Variants in SYN3 observed in about 807,000 individuals in gnomAD.
The protein encoded by SYN3 is synapsin-3.
SYN3 carries 35 observed loss-of-function variants against 65.8 expected under a neutral mutation model. The observed-to-expected ratio is 0.53, with a 90% confidence interval of 0.41 to 0.70. The LOEUF is 0.70. SYN3 is among the 30% of genes least tolerant of loss of function. The probability of loss-of-function intolerance (pLI) is 0.00; values close to 1 mark genes in which losing one functional copy is unlikely to be tolerated. For synonymous variants in SYN3, 270 were observed against 292.9 expected (o/e 0.92, Z 0.80); for missense variants, 680 against 749.0 (o/e 0.91, Z 1.08).
intron 6 of SYN3, among the ~76,000 whole-genome samples, chr22:32,835,710 C>A (rs1352094549): frequency 6.6e-6 from 1 of 152,174 alleles, no homozygotes; most frequent in African/African-American, 2.4e-5. Context: ...GGGCTGAGCT[C>A]CCTGTCTTCA....
intron 12 of SYN3, among the ~76,000 whole-genome samples, chr22:32,520,802 C>G (rs144561029): frequency 6.6e-6 from 1 of 152,286 alleles, no homozygotes; most frequent in Non-Finnish European, 1.5e-5. Context: ...TGACTCCACA[C>G]TGGCACCAGG....
At chr22:32,817,905 C>G (rs2047130019) in intron 6 of SYN3, among the ~76,000 whole-genome samples, 1 of 152,168 alleles carries the variant, frequency 6.6e-6, no homozygotes, top group Non-Finnish European at 1.5e-5. Context: ...CCAGATCTCT[C>G]CCCTCTCTGT....
chr22:32,695,745 T>C (rs2060727470), intron 6 of SYN3, among the ~76,000 whole-genome samples: 1 of 152,248 alleles, frequency 6.6e-6, no homozygotes, highest in Non-Finnish European at 1.5e-5. Context: ...AGTGCCTTCC[T>C]ATCCACAGCC....
chr22:32,870,718 C>T (rs1435649359), intron 4 of SYN3, among the ~76,000 whole-genome samples: 1 of 152,100 alleles, frequency 6.6e-6, no homozygotes, highest in Non-Finnish European at 1.5e-5. Context: ...CAACAGAATT[C>T]CCCCCAAAAG....
chr22:32,512,659 A>T lies in SYN3; in HGVS notation c.*1033T>A. 6.6e-6 allele frequency: 1 copy of T among 152,240 alleles called. No homozygotes were observed. The highest frequency in any genetic ancestry group is 1.9e-4 in the East Asian group (1 of 5,202). 9.4% of individuals were successfully genotyped at this position (152,240 alleles called of 1,614,324 possible). A position where few individuals can be genotyped will look rare whatever the true frequency, so the allele number is the denominator to read the frequency against. On this transcript the variant is annotated 3_prime_UTR_variant, in exon 14 of 14. Coordinates refer to ENST00000358763, the MANE Select transcript of SYN3 (RefSeq NM_003490.4). ...AAAGAAATACAAACAGCGGTTCCTA[A>T]ACATATTTGGCCATGGGGCCCTTTT...
At chr22:32,726,332 A>G (rs971863977) in intron 6 of SYN3, among the ~76,000 whole-genome samples, 10 of 152,244 alleles carry the variant, frequency 6.6e-5, no homozygotes, top group East Asian at 1.9e-4. Flanking sequence ...TGGTAGAGAC[A>G]GGGTTTCACC....
intron 1 of SYN3, among the ~76,000 whole-genome samples, chr22:33,038,483 C>T (rs757556275): frequency 2.6e-5 from 4 of 152,278 alleles, no homozygotes; most frequent in South Asian, 2.1e-4. Flanking sequence ...CTGTGAGCTC[C>T]GATTGAGCAA....
rs986321882 is a variant in SYN3 at position 32,511,511 on chromosome 22, T to C, written c.*2181A>G. ...ACAGGCTGAGCAAAAAGAAGGGAGA[T>C]GTGTTACTGGGCAGAGTGAGCTCCA... On this transcript the variant is annotated 3_prime_UTR_variant, in exon 14 of 14. Coordinates refer to ENST00000358763, the MANE Select transcript of SYN3 (RefSeq NM_003490.4). Among the ~76,000 whole-genome samples the C allele has an allele frequency of 4.6e-5, 7 of 152,180 alleles. No homozygotes were observed. The highest frequency in any genetic ancestry group is 1.7e-4 in the African/African-American group (7 of 41,444).
intron 6 of SYN3, among the ~76,000 whole-genome samples, chr22:32,813,651 GAGTA>G (rs2046976599): frequency 7.0e-6 from 1 of 143,252 alleles, no homozygotes; most frequent in Non-Finnish European, 1.5e-5. Context: ...ATCTCTGAGT[GAGTA>G]ACACCCAATT....
intron 6 of SYN3, among the ~76,000 whole-genome samples, chr22:32,762,080 A>C (rs1163298315): frequency 1.3e-5 from 2 of 152,218 alleles, no homozygotes; most frequent in Non-Finnish European, 2.9e-5. Flanking sequence ...CATCTTCCTG[A>C]AGACAGAACG....
In SYN3 at chr22:32,581,764, C is replaced by CTT. The variant is rs796082325; in HGVS notation, c.774+14908_774+14909dup. Among the ~76,000 whole-genome samples the CTT allele has an allele frequency of 3.0e-3, 314 of 104,386 alleles. 1 individual carries two copies. The highest frequency in any genetic ancestry group is 8.2e-3 in the African/African-American group (298 of 36,486). 68.5% of individuals were successfully genotyped at this position (104,386 alleles called of 152,430 possible). On this transcript the variant is annotated intron_variant, in intron 7 of 13. Coordinates refer to ENST00000358763, the MANE Select transcript of SYN3 (RefSeq NM_003490.4). ...GATAATTGATTCTTTTTTTCTTTTT[C>CTT]TTTTTCTTTTCTTTTCTTTCTTTCT...
intron 3 of SYN3, among the ~76,000 whole-genome samples, chr22:32,937,870 A>G (rs188811797): frequency 6.6e-6 from 1 of 152,334 alleles, no homozygotes; most frequent in Admixed American, 6.5e-5. Flanking sequence ...AAAAGAGAGC[A>G]GAACCTCAGT....
intron 2 of SYN3, 152 bp from the exon 3 acceptor site, chr22:32,980,854 CTTTTT>C: frequency 1.9e-6 from 1 of 523,208 alleles, no homozygotes; most frequent in Non-Finnish European, 3.3e-6. Context: ...TTTTCTCAGT[CTTTTT>C]TTTTTTTCTT....
chr22:32,981,571 C>A (rs5754366), intron 2 of SYN3, among the ~76,000 whole-genome samples: 46,745 of 151,190 alleles, frequency 0.31, 7,971 homozygotes, highest in East Asian at 0.74. Flanking sequence ...GCAACAAGAG[C>A]GAAACTCAGT....
chr22:32,993,837 A>T (rs2052797724), intron 2 of SYN3, among the ~76,000 whole-genome samples: 1 of 152,184 alleles, frequency 6.6e-6, no homozygotes, highest in Admixed American at 6.5e-5. Context: ...ACCCCACAGC[A>T]TCTGCAGAGT....
chr22:32,824,074 C>T (rs1453326281), intron 6 of SYN3, among the ~76,000 whole-genome samples: 2 of 152,042 alleles, frequency 1.3e-5, no homozygotes, highest in Non-Finnish European at 2.9e-5. Context: ...GTCAGGAGAT[C>T]GAGACCATCC....
chr22:32,808,695 A>G (rs2046831682), intron 6 of SYN3, among the ~76,000 whole-genome samples: 1 of 151,992 alleles, frequency 6.6e-6, no homozygotes, highest in Non-Finnish European at 1.5e-5. Flanking sequence ...TTAACTTCTC[A>G]TTCTCTAGGT....
At position 32,511,076 on chromosome 22, in the gene SYN3, T is replaced by G. The variant is rs78886781; in HGVS notation, c.*2616A>C. On this transcript the variant is annotated 3_prime_UTR_variant, in exon 14 of 14. Transcript: ENST00000358763. The stretch of plus-strand genomic sequence containing the variant: ...ACCTTATGTTAATCAATATTTATAC[T>G]CTCTTCTGTTAGATTTCTTTTAACA... 0.017 allele frequency among the ~76,000 whole-genome samples: 2,615 copies of G among 151,988 alleles called. 77 individuals are homozygous for G. Among genetic ancestry groups the G allele is most frequent in the African/African-American group, 0.058 (2,409 of 41,370 alleles).
chr22:32,934,706 G>A (rs927964314), intron 3 of SYN3, among the ~76,000 whole-genome samples: 1 of 152,200 alleles, frequency 6.6e-6, no homozygotes, highest in Non-Finnish European at 1.5e-5. Context: ...AAAAAGCTAT[G>A]TCCAAGTCCT....
Sources: gnomAD v4.1 joint callset for allele counts (sites outside exome capture counted in the v4.1 genomes callset) on GRCh38, gnomAD v4.1.1 for gene constraint, MANE v1.5 for transcripts, NCBI Gene and HGNC (gene_info 2026-07-23, HGNC 2026-07-21) for gene names.